CRTAM: variants seen among roughly 807,000 people sequenced by gnomAD.
CRTAM encodes cytotoxic and regulatory T cell molecule, also known as cytotoxic and regulatory T-cell molecule.
Under a neutral mutation model 50.0 loss-of-function variants are expected in CRTAM, and 44 were observed. That is an observed-to-expected ratio of 0.88 (90% CI 0.69 to 1.13). The LOEUF is 1.13. Among genes scored for constraint, CRTAM ranks in the 50% most tolerant of loss-of-function variants. The pLI, the probability that CRTAM is intolerant of heterozygous loss-of-function variation, is 0.00. For missense variants in CRTAM, 448 were observed against 457.5 expected, an observed-to-expected ratio of 0.98 and a Z score of 0.19; for synonymous variants, 159 against 169.3, an observed-to-expected ratio of 0.94 and a Z score of 0.47.
In CRTAM at chr11:122,850,064, A is replaced by G. The variant is rs779605895; in HGVS notation, c.47-4A>G. 4.4e-6 allele frequency: 7 copies of G among 1,600,130 alleles called. No individual in the cohort carries two copies. The highest frequency in any genetic ancestry group is 6.0e-6 in the Non-Finnish European group (7 of 1,170,978). ...TGATCATCCCCATTTCTCTTCCTCC[A>G]CAGAGGCCTCTCTGACTAACCACAC... is the stretch of plus-strand genomic sequence containing the variant. On this transcript the variant is annotated splice_polypyrimidine_tract_variant and splice_region_variant and intron_variant, in intron 1 of 9. Transcript: ENST00000227348.
Position 122,864,575 on chromosome 11 carries a change from T to C in CRTAM, c.734-61T>C. 3 of 1,152,566 alleles carry C rather than the reference T, an allele frequency of 2.6e-6. No individual in the cohort carries two copies. In the South Asian group the frequency reaches 3.9e-5, roughly 15 times the overall value. 71.4% of individuals were successfully genotyped at this position (1,152,566 alleles called of 1,614,324 possible). On this transcript the variant is annotated intron_variant, in intron 6 of 9. Transcript: ENST00000227348. ...CTGGGAAGACTTACGTAACTACAGT[T>C]GTATGTAGTCACATGTATATAATGC...
In CRTAM at chr11:122,871,552, T is replaced by C; in HGVS notation, c.*153T>C. ...CTCGGATAATGATCTGCCCCGGAGCTAGGGCAGCAACATGAGGACCAAACC... is the reference window on the plus strand; with the variant it reads ...CTCGGATAATGATCTGCCCCGGAGCCAGGGCAGCAACATGAGGACCAAACC... On this transcript the variant is annotated 3_prime_UTR_variant, in exon 10 of 10. Transcript: ENST00000227348. The C allele has an allele frequency of 1.8e-6, 1 of 559,584 alleles. No individual in the cohort carries two copies. The highest frequency in any genetic ancestry group is 3.8e-5 in the South Asian group (1 of 26,630). 34.7% of individuals were successfully genotyped at this position (559,584 alleles called of 1,614,324 possible).
At chr11:122,857,670 A>G (rs1424401725) in intron 5 of CRTAM, among the ~76,000 whole-genome samples, 1 of 152,184 alleles carries the variant, frequency 6.6e-6, no homozygotes, top group Non-Finnish European at 1.5e-5. Context: ...TCACCCAATT[A>G]GGTAAAAAAT....
intron 7 of CRTAM, among the ~76,000 whole-genome samples, chr11:122,866,607 C>CTT (rs34105956): frequency 2.8e-5 from 4 of 142,592 alleles, no homozygotes; most frequent in Admixed American, 1.4e-4. Context: ...TTTAGAAAGC[C>CTT]TTTTTTTTTT....
intron 1 of CRTAM, among the ~76,000 whole-genome samples, chr11:122,841,857 G>A (rs1249835077): frequency 6.6e-6 from 1 of 152,166 alleles, no homozygotes; most frequent in East Asian, 1.9e-4. Flanking sequence ...GCTAAGTGCT[G>A]TAATAGAAGT....
chr11:122,851,647 C>A, intron 2 of CRTAM, 46 bp from the exon 3 acceptor site: 1 of 1,592,752 alleles, frequency 6.3e-7, no homozygotes, highest in South Asian at 1.1e-5. Flanking sequence ...GCCAACGATT[C>A]ATCGGATATC....
At chr11:122,838,618 G>T (rs1861761082) in intron 1 of CRTAM, 26 bp downstream of exon 1, 7 of 1,611,770 alleles carry the variant, frequency 4.3e-6, no homozygotes, top group Non-Finnish European at 5.9e-6. Flanking sequence ...TATTTTTGTT[G>T]TTGCTCAGCT....
intron 5 of CRTAM, among the ~76,000 whole-genome samples, chr11:122,859,400 C>T (rs1047781027): frequency 8.0e-5 from 12 of 149,874 alleles, no homozygotes; most frequent in African/African-American, 1.2e-4. Context: ...CGTGAGCCAC[C>T]GCATCCGGCC....
intron 5 of CRTAM, among the ~76,000 whole-genome samples, chr11:122,861,420 ATTTTTTTTTTTTT>A (rs66619023): frequency 3.9e-5 from 1 of 25,622 alleles, no homozygotes; most frequent in Non-Finnish European, 6.8e-5. Flanking sequence ...ATATATATAT[ATTTTTTTTTTTTT>A]TTTTTTTTTT....
At chr11:122,855,459 T>C (rs974462965) in intron 4 of CRTAM, among the ~76,000 whole-genome samples, 1 of 152,206 alleles carries the variant, frequency 6.6e-6, no homozygotes, top group African/African-American at 2.4e-5. Flanking sequence ...AAGCTGTCCT[T>C]CTTAAGCTTT....
chr11:122,842,485 G>A (rs1013331296), intron 1 of CRTAM, among the ~76,000 whole-genome samples: 1 of 152,078 alleles, frequency 6.6e-6, no homozygotes, highest in African/African-American at 2.4e-5. Flanking sequence ...CACTATGTCG[G>A]CCAGGCTGGT....
chr11:122,853,536 A>G (rs184531284), intron 3 of CRTAM, among the ~76,000 whole-genome samples: 44 of 151,868 alleles, frequency 2.9e-4, no homozygotes, highest in Non-Finnish European at 5.0e-4. Flanking sequence ...GTTAAAAAAT[A>G]TGGGCCGGGC....
At chr11:122,851,501 T>C (rs1861928691) in intron 2 of CRTAM, among the ~76,000 whole-genome samples, 192 bp from the exon 3 acceptor site, 1 of 152,224 alleles carries the variant, frequency 6.6e-6, no homozygotes, top group Non-Finnish European at 1.5e-5. Context: ...TGCAGCAGAA[T>C]GGCTTGATCT....
chr11:122,850,029 A>G (rs1861910073), intron 1 of CRTAM, 39 bp from the exon 2 acceptor site: 2 of 1,506,492 alleles, frequency 1.3e-6, no homozygotes, highest in Non-Finnish European at 1.8e-6. Context: ...GACACTGTGG[A>G]CCCCCGGCCT....
At chr11:122,857,410 A>G (rs1862021559) in intron 5 of CRTAM, among the ~76,000 whole-genome samples, 1 of 152,266 alleles carries the variant, frequency 6.6e-6, no homozygotes, top group Non-Finnish European at 1.5e-5. Flanking sequence ...CGGAGTTTAC[A>G]GTAAGCTGAG....
chr11:122,868,552 C>T (rs1307918267), intron 9 of CRTAM, among the ~76,000 whole-genome samples: 1 of 152,114 alleles, frequency 6.6e-6, no homozygotes, highest in Non-Finnish European at 1.5e-5. Flanking sequence ...ACATCAAGGG[C>T]AAATCTCAAT....
At position 122,840,420 on chromosome 11, in the gene CRTAM, CGT is replaced by C. The variant is rs59792353; in HGVS notation, c.46+1847_46+1848del. On this transcript the variant is annotated intron_variant, in intron 1 of 9. Transcript: ENST00000227348. The stretch of plus-strand genomic sequence containing the variant: ...TTTATTTCATGAAACTTCTAATTAA[CGT>C]GTGTGTGTGTGTGTGTGTACTAGTT... 3.4e-3 allele frequency among the ~76,000 whole-genome samples: 510 copies of C among 149,670 alleles called. 1 individual carries two copies. The highest frequency in any genetic ancestry group is 0.01 in the African/African-American group (424 of 41,040).
intron 7 of CRTAM, 94 bp downstream of exon 7, chr11:122,864,813 G>T: frequency 1.1e-6 from 1 of 889,336 alleles, no homozygotes; most frequent in Non-Finnish European, 1.8e-6. Context: ...CCCTTTTCTT[G>T]ACCTTTCTGC....
chr11:122,839,928 A>C (rs1490452237), intron 1 of CRTAM, among the ~76,000 whole-genome samples: 2 of 152,134 alleles, frequency 1.3e-5, no homozygotes, highest in African/African-American at 4.8e-5. Context: ...ACCCTGAGGC[A>C]CTTAATAAGG....
Sources: gnomAD v4.1 joint callset for allele counts (sites outside exome capture counted in the v4.1 genomes callset) on GRCh38, gnomAD v4.1.1 for gene constraint, MANE v1.5 for transcripts, NCBI Gene and HGNC (gene_info 2026-07-23, HGNC 2026-07-21) for gene names.